RRAS2: variants seen among roughly 807,000 people sequenced by gnomAD.
RRAS2 encodes RAS related 2.
A neutral mutation model predicts 27.6 loss-of-function variants in RRAS2; 7 were observed. That is an observed-to-expected ratio of 0.25 (90% confidence interval 0.14 to 0.48). The LOEUF (loss-of-function observed/expected upper bound fraction) is 0.48. Ranked by LOEUF, RRAS2 falls within the 20% of genes least tolerant of loss-of-function variation. RRAS2 has a pLI of 0.99. For synonymous variants in RRAS2, 86 were observed against 90.9 expected, an observed-to-expected ratio of 0.95 and a Z score of 0.31; for missense variants, 178 against 256.2, an observed-to-expected ratio of 0.69 and a Z score of 2.08.
chr11:14,349,318 AT>A (rs782247910), intron 1 of RRAS2, among the ~76,000 whole-genome samples: 1,688 of 138,878 alleles, frequency 0.012, 21 homozygotes, highest in East Asian at 0.041. Context: ...CACCCGGCTA[AT>A]TTTTTTTTTT....
At position 14,359,161 on chromosome 11, in the gene RRAS2, A is replaced by G. The variant is rs1157622956; in HGVS notation, c.-291T>C. ...GCAGCGCCTGCCGAACGCAGCCTCC[A>G]GCGCCGCCACAAATGGCCGTCTGGG... is the stretch of plus-strand genomic sequence containing the variant. On this transcript the variant is annotated 5_prime_UTR_variant, in exon 1 of 6. Coordinates refer to ENST00000256196, the MANE Select transcript of RRAS2 (RefSeq NM_012250.6). The G allele has an allele frequency of 7.0e-6, 7 of 1,002,042 alleles. No individual in the cohort carries two copies. The South Asian group carries it at 1.4e-4, about 20-fold the overall frequency. The allele number at this position is 1,002,042 out of a possible 1,614,324, so 62.1% of individuals were successfully genotyped here.
intron 3 of RRAS2, 68 bp from the exon 4 acceptor site, chr11:14,294,647 G>A: frequency 7.0e-7 from 1 of 1,438,772 alleles, no homozygotes; most frequent in Non-Finnish European, 9.6e-7. Context: ...CAAGTCTCAT[G>A]CCCCAATTAG....
At chr11:14,313,610 G>A (rs1554949138) in intron 1 of RRAS2, among the ~76,000 whole-genome samples, 1 of 152,160 alleles carries the variant, frequency 6.6e-6, no homozygotes, top group African/African-American at 2.4e-5. Flanking sequence ...TAAGAGAAAG[G>A]AGGGTGAGAT....
chr11:14,315,274 C>T (rs974968411), intron 1 of RRAS2, among the ~76,000 whole-genome samples: 31 of 152,192 alleles, frequency 2.0e-4, no homozygotes, highest in Admixed American at 3.9e-4. Flanking sequence ...TTACAAATCA[C>T]GCTGACAGCA....
chr11:14,330,017 G>A (rs1018884795), intron 1 of RRAS2, among the ~76,000 whole-genome samples: 3 of 152,172 alleles, frequency 2.0e-5, no homozygotes, highest in Admixed American at 1.3e-4. Flanking sequence ...CGAGCCTATA[G>A]TAAGCTATGA....
intron 1 of RRAS2, among the ~76,000 whole-genome samples, chr11:14,300,515 G>A (rs1847669890): frequency 6.6e-6 from 1 of 152,080 alleles, no homozygotes; most frequent in Non-Finnish European, 1.5e-5. Context: ...AGAAAGATGA[G>A]GTTGCAGTGA....
chr11:14,281,457 G>T, intron 5 of RRAS2, 145 bp downstream of exon 5: 1 of 498,926 alleles, frequency 2.0e-6, no homozygotes, highest in Non-Finnish European at 3.4e-6. Context: ...TTATATTCTA[G>T]AAGTGCCTAG....
rs138886317 is a variant in RRAS2 at position 14,281,687 on chromosome 11, G to A, written c.442C>T (p.Gln148Ter). Residue 148 changes from glutamine to a stop codon, truncating the protein, a stop_gained, in exon 5 of 6, where the codon CAG becomes TAG. Coordinates refer to ENST00000256196, the MANE Select transcript of RRAS2 (RefSeq NM_012250.6). LOFTEE classifies it high-confidence loss of function. The part of the protein sequence containing the change: ...TQEEGQQLAR[Q>*]LKVTYMEASA... Reference sequence around the variant, plus strand: ...GCCTCCATGTATGTTACCTTAAGCTGCCGTGCTAACTGTTGTCCTTCTTCC... The same window carrying A: ...GCCTCCATGTATGTTACCTTAAGCTACCGTGCTAACTGTTGTCCTTCTTCC... The A allele has an allele frequency of 1.3e-6, 2 of 1,596,416 alleles. No homozygotes were observed. Among genetic ancestry groups the A allele is most frequent in the Non-Finnish European group, 1.7e-6 (2 of 1,174,392 alleles).
rs577492255 is a variant in RRAS2 at position 14,358,149 on chromosome 11, G to A, written c.108+614C>T. ...ATCAGAGAACATTTTTAACTTCCTA[G>A]AAGCCACCATTTCCCCGGGGCATTA... On this transcript the variant is annotated intron_variant, in intron 1 of 5. Transcript: ENST00000256196. The surrounding 1 kb of genome is among the most constrained non-coding windows in gnomAD (Gnocchi z 5.1). 2 of 888,818 alleles carry A rather than the reference G, an allele frequency of 2.3e-6. No individual in the cohort carries two copies. Among genetic ancestry groups the A allele is most frequent in the African/African-American group, 1.8e-5 (1 of 55,384 alleles). 55.1% of individuals were successfully genotyped at this position (888,818 alleles called of 1,614,324 possible).
intron 1 of RRAS2, among the ~76,000 whole-genome samples, chr11:14,306,891 TA>T (rs11287532): frequency 0.8 from 106,345 of 133,238 alleles, 41,844 homozygotes; most frequent in South Asian, 0.88. Flanking sequence ...TGTGCCAAGA[TA>T]AAAAAAAAAA....
chr11:14,301,033 T>C (rs1847687654), intron 1 of RRAS2, among the ~76,000 whole-genome samples: 1 of 152,136 alleles, frequency 6.6e-6, no homozygotes, highest in South Asian at 2.1e-4. Flanking sequence ...AAGGTACCAC[T>C]GGGGAGTTGT....
At chr11:14,281,793 A>G in intron 4 of RRAS2, 73 bp from the exon 5 acceptor site, 1 of 1,303,244 alleles carries the variant, frequency 7.7e-7, no homozygotes, top group South Asian at 1.4e-5. Context: ...CTGGCCACAG[A>G]TTGTGCTAAT....
intron 1 of RRAS2, among the ~76,000 whole-genome samples, chr11:14,306,102 A>G (rs965459969): frequency 1.7e-4 from 26 of 150,582 alleles, no homozygotes; most frequent in African/African-American, 6.1e-4. Flanking sequence ...CAGACACCCT[A>G]CGGATGTAAA....
chr11:14,329,451 A>G (rs1483883391), intron 1 of RRAS2, among the ~76,000 whole-genome samples: 1 of 152,176 alleles, frequency 6.6e-6, no homozygotes, highest in Non-Finnish European at 1.5e-5. Context: ...GATCAAACAC[A>G]AAATGAATCA....
At chr11:14,300,172 C>G (rs1847662486) in intron 1 of RRAS2, among the ~76,000 whole-genome samples, 1 of 152,176 alleles carries the variant, frequency 6.6e-6, no homozygotes, top group Non-Finnish European at 1.5e-5. Context: ...ATGGAGAGAG[C>G]ACATGTTTCC....
intron 1 of RRAS2, among the ~76,000 whole-genome samples, chr11:14,299,109 T>C (rs553256772): frequency 6.6e-6 from 1 of 152,340 alleles, no homozygotes; most frequent in African/African-American, 2.4e-5. Flanking sequence ...AAATAATGCA[T>C]ATGAAGTGCC....
intron 4 of RRAS2, among the ~76,000 whole-genome samples, chr11:14,282,203 C>T (rs939156222): frequency 2.0e-5 from 3 of 152,064 alleles, no homozygotes; most frequent in East Asian, 3.9e-4. Context: ...CTAAAAGAAG[C>T]GTCACATAGC....
At chr11:14,362,183 A>C (rs1163711836), upstream of RRAS2, among the ~76,000 whole-genome samples, 1 of 152,218 alleles carries the variant, frequency 6.6e-6, no homozygotes, top group Non-Finnish European at 1.5e-5. Flanking sequence ...TACTAAAAAC[A>C]TTGGATTGTA....
At chr11:14,361,741 AC>A (rs1351208197), upstream of RRAS2, among the ~76,000 whole-genome samples, 1 of 152,156 alleles carries the variant, frequency 6.6e-6, no homozygotes. Flanking sequence ...TTACACCCCT[AC>A]TTATCTGTAC....
Sources: allele counts gnomAD v4.1 joint callset (sites outside exome capture counted in the v4.1 genomes callset), GRCh38; gene constraint gnomAD v4.1.1; non-coding constraint Gnocchi (gnomAD v3.1); transcripts MANE v1.5; gene names NCBI Gene and HGNC (gene_info 2026-07-23, HGNC 2026-07-21).